Variants in SH3GLB2 observed in about 807,000 individuals in gnomAD.
SH3GLB2 encodes SH3 domain containing GRB2 like, endophilin B2, also known as endophilin-B2.
SH3GLB2 carries 24 observed loss-of-function variants against 48.0 expected under a neutral mutation model. That is an observed-to-expected ratio of 0.50 (90% CI 0.36 to 0.70). The LOEUF is 0.70. Ranked by LOEUF, SH3GLB2 falls within the 30% of genes least tolerant of loss-of-function variation. SH3GLB2 has a pLI of 0.00. For missense variants in SH3GLB2, 425 were observed against 516.0 expected, an observed-to-expected ratio of 0.82 and a Z score of 1.71; for synonymous variants, 227 against 207.6, an observed-to-expected ratio of 1.09 and a Z score of -0.80.
chr9:129,014,806 G>T lies in SH3GLB2; in HGVS notation c.433C>A (p.Arg145Ser). The change falls in exon 4 of 11, where the codon CGC (arginine) becomes AGC (serine). Residue 145 changes from arginine to serine, a missense_variant. Arg to Ser is a moderately radical substitution (Grantham distance 110, BLOSUM62 -1). Transcript: ENST00000372564. This position sits in a 1 kb window ranked among gnomAD's most constrained non-coding sequence, Gnocchi z 4.1. ...TASISFLTPLRNFLEGDWKTI... is the reference protein window; with the variant it reads ...TASISFLTPLSNFLEGDWKTI... ...TTCCAGTCCCCCTCCAGGAAGTTGCGCAAGGGTGTGAGGAAGCTGATGGAG... is the reference window on the plus strand; with the variant it reads ...TTCCAGTCCCCCTCCAGGAAGTTGCTCAAGGGTGTGAGGAAGCTGATGGAG... 6.2e-7 allele frequency: 1 copy of T among 1,613,796 alleles called. No individual in the cohort carries two copies. Among genetic ancestry groups the T allele is most frequent in the Non-Finnish European group, 8.5e-7 (1 of 1,179,948 alleles).
chr9:129,024,436 G>A (rs1469895598), intron 1 of SH3GLB2, among the ~76,000 whole-genome samples: 11 of 150,490 alleles, frequency 7.3e-5, no homozygotes, highest in Admixed American at 4.6e-4. Context: ...TGGCGGGCAC[G>A]TGTAGACCCA....
intron 1 of SH3GLB2, among the ~76,000 whole-genome samples, chr9:129,026,497 G>A (rs1451776600): frequency 6.6e-6 from 1 of 152,170 alleles, no homozygotes; most frequent in Admixed American, 6.6e-5. Context: ...GCAGTGGGGT[G>A]GGCGTGCAGA....
chr9:129,023,097 C>T (rs1325769883), intron 1 of SH3GLB2, among the ~76,000 whole-genome samples: 1 of 152,154 alleles, frequency 6.6e-6, no homozygotes, highest in African/African-American at 2.4e-5. Context: ...AAGGCTGGGT[C>T]GGCTACAGTG....
At chr9:129,013,237 C>G in intron 5 of SH3GLB2, 1 of 576,524 alleles carries the variant, frequency 1.7e-6, no homozygotes, top group East Asian at 2.9e-5. Flanking sequence ...AATGCTGTTC[C>G]TGGGGCTGCC....
At position 129,007,912 on chromosome 9, in the gene SH3GLB2, C is replaced by G. The variant is rs1235776546; in HGVS notation, c.*772G>C. The G allele has an allele frequency of 6.6e-6, 1 of 152,252 alleles. No individual in the cohort carries two copies. The highest frequency in any genetic ancestry group is 2.4e-5 in the African/African-American group (1 of 41,460). 9.4% of individuals were successfully genotyped at this position (152,252 alleles called of 1,614,324 possible). On this transcript the variant is annotated 3_prime_UTR_variant, in exon 11 of 11. Coordinates refer to ENST00000372564, the MANE Select transcript of SH3GLB2 (RefSeq NM_020145.4). ...CAGGGAGGGCTGCACTTCTTCCCAACTAGAGAGCTGGGGGCCGGGGCAGCC... is the reference window on the plus strand; with the variant it reads ...CAGGGAGGGCTGCACTTCTTCCCAAGTAGAGAGCTGGGGGCCGGGGCAGCC...
At position 129,010,108 on chromosome 9, in the gene SH3GLB2, A is replaced by C; in HGVS notation, c.738+12T>G. On this transcript the variant is annotated intron_variant, in intron 8 of 10. Transcript: ENST00000372564. ...AGGGTTAGGTTTAGTGAGGGTGGGC[A>C]GTGGGACTCACGTGAGTGCTACTGA... The C allele has an allele frequency of 6.2e-7, 1 of 1,610,728 alleles. No individual in the cohort carries two copies. Among genetic ancestry groups the C allele is most frequent in the Non-Finnish European group, 8.5e-7 (1 of 1,176,964 alleles).
At position 129,012,764 on chromosome 9, in the gene SH3GLB2, G is replaced by A. The variant is rs1843199717; in HGVS notation, c.562-466C>T. The A allele has an allele frequency of 5.2e-6, 3 of 575,416 alleles. No homozygotes were observed. The African/African-American group carries it at 5.6e-5, about 11-fold the overall frequency. The allele number at this position is 575,416 out of a possible 1,614,324, so 35.6% of individuals were successfully genotyped here. On this transcript the variant is annotated intron_variant, in intron 5 of 10. Transcript: ENST00000372564. ...GGGCCAGGCCCCTCCCGACAATGAA[G>A]GTGGACAGATGGATGCATGGGCAGA... is the stretch of plus-strand genomic sequence containing the variant.
At chr9:129,020,833 G>C (rs1356903251) in intron 3 of SH3GLB2, among the ~76,000 whole-genome samples, 2 of 151,942 alleles carry the variant, frequency 1.3e-5, no homozygotes, top group East Asian at 3.9e-4. Flanking sequence ...TCACGCCACT[G>C]CACTCTAGCC....
At chr9:129,017,104 T>C (rs1478532627) in intron 3 of SH3GLB2, among the ~76,000 whole-genome samples, 1 of 151,964 alleles carries the variant, frequency 6.6e-6, no homozygotes, top group Non-Finnish European at 1.5e-5. Context: ...CGCACCAGCA[T>C]GCCCAGCTAA....
intron 10 of SH3GLB2, 85 bp from the exon 11 acceptor site, chr9:129,008,876 T>A: frequency 7.3e-7 from 1 of 1,371,188 alleles, no homozygotes; most frequent in Non-Finnish European, 1.0e-6. Context: ...AGCTGCCACC[T>A]CCCCATGGCC....
At position 129,012,218 on chromosome 9, in the gene SH3GLB2, G is replaced by A. The variant is rs372519135; in HGVS notation, c.624+18C>T. 13 of 1,195,352 alleles carry A rather than the reference G, an allele frequency of 1.1e-5. No homozygotes were observed. Among genetic ancestry groups the A allele is most frequent in the Non-Finnish European group, 1.3e-5 (12 of 947,908 alleles). The allele number at this position is 1,195,352 out of a possible 1,614,324, so 74.0% of individuals were successfully genotyped here. On this transcript the variant is annotated intron_variant, in intron 6 of 10. Transcript: ENST00000372564. ...AGAGAGGAGGACGAGGGGTGGGGTG[G>A]GGGTGGGGTGCGCTTACCGCGGAGG...
intron 7 of SH3GLB2, chr9:129,010,419 CCCTT>C: frequency 1.6e-6 from 1 of 638,986 alleles, no homozygotes; most frequent in East Asian, 2.7e-5. Flanking sequence ...CAGTGACAGA[CCCTT>C]CCTCCATCAC....
At chr9:129,018,367 G>A (rs1467369941) in intron 3 of SH3GLB2, among the ~76,000 whole-genome samples, 1 of 151,454 alleles carries the variant, frequency 6.6e-6, no homozygotes, top group Non-Finnish European at 1.5e-5. Flanking sequence ...CACAAGGTCA[G>A]GAGTTCAAGA....
In SH3GLB2 at chr9:129,014,672, GT is replaced by G; in HGVS notation, c.468+98del. 1 of 1,544,410 alleles carries G rather than the reference GT, an allele frequency of 6.5e-7. No homozygotes were observed. The highest frequency in any genetic ancestry group is 8.8e-7 in the Non-Finnish European group (1 of 1,140,970). ...AGCCCTCTCTGGGGAGGCCTCAGGA[GT>G]TTTGTAGCCCCAGCACTGGAAGAGA... On this transcript the variant is annotated intron_variant, in intron 4 of 10. Transcript: ENST00000372564. The surrounding 1 kb of genome is among the most constrained non-coding windows in gnomAD (Gnocchi z 4.1).
At chr9:129,013,798 G>A (rs1843260279) in intron 5 of SH3GLB2, 1 of 267,766 alleles carries the variant, frequency 3.7e-6, no homozygotes, top group South Asian at 3.4e-5. Flanking sequence ...GTTCACCCTT[G>A]GGCCCAGCTC....
At chr9:129,010,803 C>T in intron 6 of SH3GLB2, 110 bp from the exon 7 acceptor site, 1 of 1,312,236 alleles carries the variant, frequency 7.6e-7, no homozygotes, top group East Asian at 2.5e-5. Flanking sequence ...GCCCCCCTGC[C>T]CCTCTGCCCC....
rs1207847337 is a variant in SH3GLB2 at position 129,007,086 on chromosome 9, G to A, written c.*1598C>T. On this transcript the variant is annotated 3_prime_UTR_variant, in exon 11 of 11. Coordinates refer to ENST00000372564, the MANE Select transcript of SH3GLB2 (RefSeq NM_020145.4). Reference sequence around the variant, plus strand: ...CTATTTATACAGATATTAAAATCTTGTTTATAGACAGCTGTGTGATGTTTA... The same window carrying A: ...CTATTTATACAGATATTAAAATCTTATTTATAGACAGCTGTGTGATGTTTA... 1 of 158,398 alleles carries A rather than the reference G, an allele frequency of 6.3e-6. No homozygotes were observed. The highest frequency in any genetic ancestry group is 1.8e-4 in the East Asian group (1 of 5,406). The allele number at this position is 158,398 out of a possible 1,614,324, so 9.8% of individuals were successfully genotyped here.
At chr9:129,023,483 G>A (rs1406071033) in intron 1 of SH3GLB2, among the ~76,000 whole-genome samples, 1 of 152,202 alleles carries the variant, frequency 6.6e-6, no homozygotes, top group Non-Finnish European at 1.5e-5. Flanking sequence ...AAGACCTGCA[G>A]GAGTAAGATA....
Position 129,014,343 on chromosome 9 carries a change from C to T in SH3GLB2, c.561+68G>A, listed in dbSNP as rs973378222. The T allele has an allele frequency of 1.5e-5, 22 of 1,439,694 alleles. No individual in the cohort carries two copies. The highest frequency in any genetic ancestry group is 1.9e-6 in the Non-Finnish European group (2 of 1,052,630). The allele number at this position is 1,439,694 out of a possible 1,614,324, so 89.2% of individuals were successfully genotyped here. A position where few individuals can be genotyped will look rare whatever the true frequency, so the allele number is the denominator to read the frequency against. On this transcript the variant is annotated intron_variant, in intron 5 of 10. Coordinates refer to ENST00000372564, the MANE Select transcript of SH3GLB2 (RefSeq NM_020145.4). This position sits in a 1 kb window ranked among gnomAD's most constrained non-coding sequence, Gnocchi z 4.1. ...GGTCATGCCAAATACCAGGTCCCTTCATGCCACCACCCCTTGGCTCCAGCC... is the reference window on the plus strand; with the variant it reads ...GGTCATGCCAAATACCAGGTCCCTTTATGCCACCACCCCTTGGCTCCAGCC...
Sources: gnomAD v4.1 joint callset for allele counts (sites outside exome capture counted in the v4.1 genomes callset) on GRCh38, gnomAD v4.1.1 for gene constraint, Gnocchi (gnomAD v3.1) non-coding constraint, MANE v1.5 for transcripts, NCBI Gene and HGNC (gene_info 2026-07-23, HGNC 2026-07-21) for gene names.